Variants in DRAM2 observed in about 807,000 individuals in gnomAD.
DRAM2 encodes DNA damage regulated autophagy modulator 2.
DRAM2 carries 26 observed loss-of-function variants against 33.5 expected under a neutral mutation model. The ratio of observed to expected loss-of-function variants is 0.78; its 90% confidence interval spans 0.57 to 1.08. The LOEUF (loss-of-function observed/expected upper bound fraction) is 1.08. Among genes scored for constraint, DRAM2 ranks in the 50% least tolerant of loss-of-function variants. DRAM2 has a pLI of 0.00. For missense variants in DRAM2, 311 were observed against 318.1 expected, an observed-to-expected ratio of 0.98 and a Z score of 0.17; for synonymous variants, 98 against 109.5, an observed-to-expected ratio of 0.89 and a Z score of 0.66.
chr1:111,119,998 T>C (rs1424347094), intron 7 of DRAM2, 39 bp from the exon 8 acceptor site: 2 of 1,551,234 alleles, frequency 1.3e-6, no homozygotes, highest in East Asian at 4.5e-5. Context: ...TCAGAGACGA[T>C]CTCAGAGAAC....
At chr1:111,133,091 T>C (rs992509762) in intron 3 of DRAM2, among the ~76,000 whole-genome samples, 42 of 152,144 alleles carry the variant, frequency 2.8e-4, no homozygotes, top group African/African-American at 8.9e-4. Context: ...GATCCCCTTA[T>C]TCTCCTACAA....
intron 4 of DRAM2, among the ~76,000 whole-genome samples, chr1:111,129,814 A>T (rs563346952): frequency 6.6e-6 from 1 of 152,314 alleles, no homozygotes; most frequent in East Asian, 1.9e-4. Context: ...CAAAATAAAA[A>T]ACCCAAAAAA....
chr1:111,118,773 G>T, intron 9 of DRAM2, 32 bp downstream of exon 9: 1 of 1,531,306 alleles, frequency 6.5e-7, no homozygotes, highest in South Asian at 1.2e-5. Flanking sequence ...AAGGAAGTCT[G>T]ACTGAATAAA....
At chr1:111,137,704 T>C (rs1571079027) in intron 2 of DRAM2, 118 bp from the exon 3 acceptor site, 1 of 152,350 alleles carries the variant, frequency 6.6e-6, no homozygotes, top group South Asian at 2.1e-4. Flanking sequence ...GGCTACAGCA[T>C]TGTTAACAGG....
At chr1:111,136,594 AAAAC>A (rs1485442452) in intron 3 of DRAM2, among the ~76,000 whole-genome samples, 1 of 151,846 alleles carries the variant, frequency 6.6e-6, no homozygotes, top group East Asian at 1.9e-4. Context: ...CAAAAACAAA[AAAAC>A]AAAAAAAAAC....
In DRAM2 at chr1:111,138,645, G is replaced by A. The variant is rs573348766; in HGVS notation, c.-79+856C>T. ...CTAAAAATACAAAAATTAGCTGGGC[G>A]TGGTGGCGGGCGCCTGTAATCCCAG... On this transcript the variant is annotated intron_variant, in intron 2 of 9. Transcript: ENST00000484310. Among the ~76,000 whole-genome samples, 11 of 152,248 alleles carry A rather than the reference G, an allele frequency of 7.2e-5. No homozygotes were observed. In the East Asian group the frequency reaches 1.9e-3, roughly 27 times the overall value.
chr1:111,133,179 T>C (rs1348794695), intron 3 of DRAM2, among the ~76,000 whole-genome samples: 1 of 74,032 alleles, frequency 1.4e-5, no homozygotes, highest in East Asian at 2.7e-4. Flanking sequence ...TTTACTTACC[T>C]TTTTTTTTTT....
rs934087194 is a variant in DRAM2 at position 111,118,206 on chromosome 1, C to T, written c.755G>A (p.Cys252Tyr). Residue 252 changes from cysteine to tyrosine, a missense_variant, in exon 10 of 10, where the codon TGC becomes TAC. By Grantham distance (194) the Cys-to-Tyr change is radical. Coordinates refer to ENST00000484310, the MANE Select transcript of DRAM2 (RefSeq NM_001349884.2). ...CCGTGTTCGTTCATTGTTAATAGGG[C>T]AAGGTGCAGTGTCATAGAGGGTTAA... ...HGLTLYDTAP[C>Y]PINNERTRLL... The T allele has an allele frequency of 1.2e-6, 2 of 1,612,964 alleles. No individual in the cohort carries two copies. The highest frequency in any genetic ancestry group is 2.7e-5 in the African/African-American group (2 of 74,812).
chr1:111,123,816 C>T (rs1464757094), intron 6 of DRAM2, among the ~76,000 whole-genome samples: 2 of 152,046 alleles, frequency 1.3e-5, no homozygotes, highest in African/African-American at 4.8e-5. Flanking sequence ...GGCACCACCA[C>T]CCCCTTGCTT....
At position 111,131,563 on chromosome 1, in the gene DRAM2, G is replaced by C. The variant is rs375068184; in HGVS notation, c.-9C>G. ...TGCTGAAACCACCACATTTCTAACAGGTTTTCTGAAATAGAGAAAACATAT... is the reference window on the plus strand; with the variant it reads ...TGCTGAAACCACCACATTTCTAACACGTTTTCTGAAATAGAGAAAACATAT... On this transcript the variant is annotated 5_prime_UTR_variant, in exon 4 of 10. Coordinates refer to ENST00000484310, the MANE Select transcript of DRAM2 (RefSeq NM_001349884.2). 3.7e-6 allele frequency: 6 copies of C among 1,612,456 alleles called. No homozygotes were observed. The East Asian group carries it at 8.9e-5, about 24-fold the overall frequency.
chr1:111,138,342 G>C lies in DRAM2; in HGVS notation c.-78-756C>G, dbSNP rs11102217. 6.0e-3 allele frequency among the ~76,000 whole-genome samples: 900 copies of C among 150,942 alleles called. 12 individuals carry two copies. The highest frequency in any genetic ancestry group is 0.021 in the African/African-American group (854 of 41,444). On this transcript the variant is annotated intron_variant, in intron 2 of 9. Coordinates refer to ENST00000484310, the MANE Select transcript of DRAM2 (RefSeq NM_001349884.2). ...TAGGTGAGGAAGACTAATTGTCAAT[G>C]TGTTTTTGCCTTTGAAACCTGAAAG...
intron 3 of DRAM2, among the ~76,000 whole-genome samples, chr1:111,135,495 G>C (rs1451398224): frequency 1.3e-5 from 2 of 152,190 alleles, no homozygotes; most frequent in African/African-American, 4.8e-5. Context: ...TTTCGTAGAA[G>C]ACCTGTCATG....
chr1:111,134,073 G>A (rs1652672917), intron 3 of DRAM2, among the ~76,000 whole-genome samples: 1 of 152,156 alleles, frequency 6.6e-6, no homozygotes, highest in Non-Finnish European at 1.5e-5. Context: ...AGCAGGGGCG[G>A]AGACAGAGGG....
intron 4 of DRAM2, 139 bp from the exon 5 acceptor site, chr1:111,126,433 TAC>T: frequency 1.8e-6 from 1 of 549,022 alleles, no homozygotes; most frequent in Non-Finnish European, 3.4e-6. Flanking sequence ...TATCATTTTA[TAC>T]AGAGAACATG....
At position 111,119,833 on chromosome 1, in the gene DRAM2, C is replaced by A. The variant is rs373406596; in HGVS notation, c.600+44G>T. ...AACATATCAAGATCAATCAAAATAA[C>A]CATCTTTAATATAAAACTAAGTTTA... On this transcript the variant is annotated intron_variant, in intron 8 of 9. Coordinates refer to ENST00000484310, the MANE Select transcript of DRAM2 (RefSeq NM_001349884.2). 1.5e-5 allele frequency: 22 copies of A among 1,440,590 alleles called. No homozygotes were observed. In the African/African-American group the frequency reaches 2.7e-4, roughly 18 times the overall value. 89.2% of individuals were successfully genotyped at this position (1,440,590 alleles called of 1,614,324 possible).
rs190779844 is a variant in DRAM2, at chr1:111,121,199, T to C, written c.340-506A>G. On this transcript the variant is annotated intron_variant, in intron 6 of 9. Transcript: ENST00000484310. ...CAGTGCTGGGAATAGGGAGTTTCCATTTAAATTCAATTTAACTGTAAATAA... is the reference window on the plus strand; with the variant it reads ...CAGTGCTGGGAATAGGGAGTTTCCACTTAAATTCAATTTAACTGTAAATAA... Among the ~76,000 whole-genome samples, 42 of 152,258 alleles carry C rather than the reference T, an allele frequency of 2.8e-4. 1 individual carries two copies. Among genetic ancestry groups the C allele is most frequent in the African/African-American group, 9.9e-4 (41 of 41,580 alleles).
chr1:111,120,507 G>A lies in DRAM2; in HGVS notation c.517+9C>T, dbSNP rs772414815. The A allele has an allele frequency of 6.4e-7, 1 of 1,563,134 alleles. No individual in the cohort carries two copies. Among genetic ancestry groups the A allele is most frequent in the African/African-American group, 1.4e-5 (1 of 72,598 alleles). On this transcript the variant is annotated intron_variant, in intron 7 of 9. Transcript: ENST00000484310. ...TCCAAGTGTAGCCACATTGTACAGTGAAGGATACTGCTAAGTGCACTTACT... is the reference window on the plus strand; with the variant it reads ...TCCAAGTGTAGCCACATTGTACAGTAAAGGATACTGCTAAGTGCACTTACT...
chr1:111,136,443 T>A (rs1007790131), intron 3 of DRAM2, among the ~76,000 whole-genome samples: 1 of 151,944 alleles, frequency 6.6e-6, no homozygotes, highest in African/African-American at 2.4e-5. Context: ...CGTGCGCCTG[T>A]AATTCCAGCT....
intron 6 of DRAM2, among the ~76,000 whole-genome samples, chr1:111,123,364 T>C (rs1450128934): frequency 1.3e-5 from 2 of 152,280 alleles, no homozygotes. Context: ...TACTGTCAGG[T>C]GACAAAAATT....
Sources: allele counts gnomAD v4.1 joint callset (sites outside exome capture counted in the v4.1 genomes callset), GRCh38; gene constraint gnomAD v4.1.1; transcripts MANE v1.5; gene names NCBI Gene and HGNC (gene_info 2026-07-23, HGNC 2026-07-21).